The following RADIL variants were observed in gnomAD, a reference collection of about 807,000 sequenced individuals.
The protein encoded by RADIL is ras-associating and dilute domain-containing protein.
A neutral mutation model predicts 97.6 loss-of-function variants in RADIL; 99 were observed. The observed-to-expected ratio is 1.01, with a 90% CI of 0.86 to 1.20. The LOEUF is 1.20. Ranked by LOEUF, RADIL falls within the 50% of genes most tolerant of loss-of-function variation. The probability of loss-of-function intolerance (pLI) is 0.00; values close to 1 mark genes in which losing one functional copy is unlikely to be tolerated. For synonymous variants in RADIL, 803 were observed against 691.8 expected, an observed-to-expected ratio of 1.16 and a Z score of -2.52; for missense variants, 1,765 against 1,498.9, an observed-to-expected ratio of 1.18 and a Z score of -2.93.
intron 2 of RADIL, among the ~76,000 whole-genome samples, chr7:4,851,637 A>T (rs1204619948): frequency 6.6e-6 from 1 of 152,154 alleles, no homozygotes; most frequent in African/African-American, 2.4e-5. Flanking sequence ...CAAATGGTGA[A>T]CCTGAAGAGA....
In RADIL at chr7:4,877,690, T is replaced by G. The variant is rs778607037; in HGVS notation, c.450A>C (p.Arg150=). The part of the protein sequence containing the change: ...PLLIQELWKP[R]EGLSRRFELR... ...GCTCAAACCTCCGGGATAAACCTTC[T>G]CGGGGTTTCCATAATTCCTGGATCA... The change falls in exon 2 of 15, where the codon CGA becomes CGC. Residue 150 remains arginine, a synonymous_variant. Transcript: ENST00000399583. 1 of 1,614,138 alleles carries G rather than the reference T, an allele frequency of 6.2e-7. No individual in the cohort carries two copies. The highest frequency in any genetic ancestry group is 1.1e-5 in the South Asian group (1 of 91,086).
rs1032809222 is a variant in RADIL, at chr7:4,819,730, G to A, written c.1616-2379C>T. ...CCACAGACATTTCCTGCAGAGGGTC[G>A]GGAGGCTGACGGGGCTCTGCCCCTC... is the stretch of plus-strand genomic sequence containing the variant. On this transcript the variant is annotated intron_variant, in intron 6 of 14. Coordinates refer to ENST00000399583, the MANE Select transcript of RADIL (RefSeq NM_018059.5). This position sits in a 1 kb window ranked among gnomAD's most constrained non-coding sequence, Gnocchi z 5.8. Among the ~76,000 whole-genome samples, 12 of 152,188 alleles carry A rather than the reference G, an allele frequency of 7.9e-5. No individual in the cohort carries two copies. Among genetic ancestry groups the A allele is most frequent in the Non-Finnish European group, 1.3e-4 (9 of 68,030 alleles).
chr7:4,808,611 G>A (rs1005812858), intron 9 of RADIL: 9 of 985,372 alleles, frequency 9.1e-6, no homozygotes, highest in Non-Finnish European at 1.1e-5. Flanking sequence ...CCCTTTACAA[G>A]AAGCAGCCCC....
chr7:4,847,024 TAAAAA>T lies in RADIL; in HGVS notation c.536-10424_536-10420del, dbSNP rs1783590620. Among the ~76,000 whole-genome samples, 3 of 151,536 alleles carry T rather than the reference TAAAAA, an allele frequency of 2.0e-5. No homozygotes were observed. In the South Asian group the frequency reaches 6.3e-4, roughly 32 times the overall value. The stretch of plus-strand genomic sequence containing the variant: ...TTCACACCCACTACCATGGTTATAA[TAAAAA>T]AGGTAAACAGGCCAGGCATGGTGGC... On this transcript the variant is annotated intron_variant, in intron 2 of 14. Transcript: ENST00000399583.
chr7:4,799,578 C>T, intron 14 of RADIL, 52 bp downstream of exon 14: 1 of 1,608,350 alleles, frequency 6.2e-7, no homozygotes, highest in South Asian at 1.1e-5. Flanking sequence ...GGTCCACTCC[C>T]CTGAGCAGGG....
rs76341035 is a variant in RADIL, at chr7:4,840,135, T to C, written c.536-3530A>G. 9.1e-3 allele frequency among the ~76,000 whole-genome samples: 1,385 copies of C among 152,306 alleles called. 23 individuals are homozygous for C. The highest frequency in any genetic ancestry group is 0.032 in the African/African-American group (1,312 of 41,552). ...TTTGTGACTTGGCCCTGTCCCAAGATGAGGCTGCGGCAGATGGGACCCAGC... is the reference window on the plus strand; with the variant it reads ...TTTGTGACTTGGCCCTGTCCCAAGACGAGGCTGCGGCAGATGGGACCCAGC... On this transcript the variant is annotated intron_variant, in intron 2 of 14. Transcript: ENST00000399583. The surrounding 1 kb of genome is among the most constrained non-coding windows in gnomAD (Gnocchi z 5.6).
intron 2 of RADIL, chr7:4,859,065 G>C (rs1783906419): frequency 6.6e-6 from 1 of 152,066 alleles, no homozygotes; most frequent in Admixed American, 6.6e-5. Context: ...ACCTACTAAT[G>C]GTTGATGTCA....
intron 9 of RADIL, chr7:4,808,582 C>T (rs1782421867): frequency 1.0e-6 from 1 of 977,296 alleles, no homozygotes; most frequent in Non-Finnish European, 1.2e-6. Flanking sequence ...CCGCAAAGCC[C>T]GAAGTCCTCA....
In RADIL at chr7:4,799,063, C is replaced by T. The variant is rs1311297627; in HGVS notation, c.*315G>A. The T allele has an allele frequency of 1.6e-5, 6 of 365,240 alleles. No homozygotes were observed. The highest frequency in any genetic ancestry group is 1.0e-4 in the South Asian group (4 of 38,792). The allele number at this position is 365,240 out of a possible 1,614,324, so 22.6% of individuals were successfully genotyped here. ...AGCCCCTGCGGCCCCTCCGAGCAGC[C>T]CACGCCTGCTGCCCGAGTTGAGACC... On this transcript the variant is annotated 3_prime_UTR_variant, in exon 15 of 15. Coordinates refer to ENST00000399583, the MANE Select transcript of RADIL (RefSeq NM_018059.5).
intron 2 of RADIL, chr7:4,859,530 G>A (rs1783920480): frequency 9.7e-6 from 2 of 207,184 alleles, no homozygotes; most frequent in Non-Finnish European, 2.0e-5. Context: ...GACTGGCTCA[G>A]TAAAGGAAGT....
rs981215599 is a variant in RADIL at position 4,879,154 on chromosome 7, G to A, written c.-64-951C>T. On this transcript the variant is annotated intron_variant, in intron 1 of 14. Transcript: ENST00000399583. This position sits in a 1 kb window ranked among gnomAD's most constrained non-coding sequence, Gnocchi z 4.1. ...GGCATGGCCGGAATGCAGGCGTCCC[G>A]CCCACCACAGGCCGCGGGTGCCCGG... 7.9e-5 allele frequency among the ~76,000 whole-genome samples: 12 copies of A among 152,340 alleles called. No homozygotes were observed. Among genetic ancestry groups the A allele is most frequent in the Non-Finnish European group, 1.3e-4 (9 of 68,034 alleles).
rs1412812273 is a variant in RADIL at position 4,849,158 on chromosome 7, G to C, written c.536-12553C>G. Among the ~76,000 whole-genome samples the C allele has an allele frequency of 2.1e-5, 3 of 142,474 alleles. No individual in the cohort carries two copies. Among genetic ancestry groups the C allele is most frequent in the Non-Finnish European group, 4.6e-5 (3 of 65,022 alleles). 93.5% of individuals were successfully genotyped at this position (142,474 alleles called of 152,430 possible). A position where few individuals can be genotyped will look rare whatever the true frequency, so the allele number is the denominator to read the frequency against. Reference sequence around the variant, plus strand: ...TGTCTCAAAAAAAAAAAAAAAAAGGGAATTAAAAGCCAGAAAGAAAGAGTT... The same window carrying C: ...TGTCTCAAAAAAAAAAAAAAAAAGGCAATTAAAAGCCAGAAAGAAAGAGTT... On this transcript the variant is annotated intron_variant, in intron 2 of 14. Transcript: ENST00000399583. This position sits in a 1 kb window ranked among gnomAD's most constrained non-coding sequence, Gnocchi z 5.4.
intron 5 of RADIL, among the ~76,000 whole-genome samples, chr7:4,825,799 C>A (rs1287315574): frequency 6.8e-6 from 1 of 147,382 alleles, no homozygotes; most frequent in African/African-American, 2.5e-5. Context: ...TTTCTTGAAC[C>A]AGGACCCGGG....
Position 4,835,380 on chromosome 7 carries a change from A to C in RADIL, c.784-141T>G. The C allele has an allele frequency of 9.0e-7, 1 of 1,108,872 alleles. No homozygotes were observed. The highest frequency in any genetic ancestry group is 1.3e-6 in the Non-Finnish European group (1 of 783,778). The allele number at this position is 1,108,872 out of a possible 1,614,324, so 68.7% of individuals were successfully genotyped here. A position where few individuals can be genotyped will look rare whatever the true frequency, so the allele number is the denominator to read the frequency against. On this transcript the variant is annotated intron_variant, in intron 3 of 14. Coordinates refer to ENST00000399583, the MANE Select transcript of RADIL (RefSeq NM_018059.5). The surrounding 1 kb of genome is among the most constrained non-coding windows in gnomAD (Gnocchi z 5.8). ...TCTCCATGTCCCTGGCCACCCCCACACCAGAACCCCGACGGCTCTCAGGAA... is the reference window on the plus strand; with the variant it reads ...TCTCCATGTCCCTGGCCACCCCCACCCCAGAACCCCGACGGCTCTCAGGAA...
chr7:4,863,188 A>G (rs546001782), intron 2 of RADIL, among the ~76,000 whole-genome samples: 1 of 152,328 alleles, frequency 6.6e-6, no homozygotes, highest in Non-Finnish European at 1.5e-5. Context: ...TTTAAGCATC[A>G]TTGAAATATC....
rs1235640214 is a variant in RADIL, at chr7:4,877,823, T to A, written c.317A>T (p.Gln106Leu). 1 of 1,608,638 alleles carries A rather than the reference T, an allele frequency of 6.2e-7. No individual in the cohort carries two copies. Among genetic ancestry groups the A allele is most frequent in the Non-Finnish European group, 8.5e-7 (1 of 1,179,870 alleles). Residue 106 changes from glutamine (Q) to leucine (L), a missense_variant, in exon 2 of 15, where the codon CAG (glutamine) becomes CTG (leucine). Transcript: ENST00000399583. ...ALERYALDPR[Q>L]AGQYVLCDVV... ...GTCACACAGCACGTACTGGCCGGCCTGCCTGGGGTCCAGGGCGTACCGCTC... is the reference window on the plus strand; with the variant it reads ...GTCACACAGCACGTACTGGCCGGCCAGCCTGGGGTCCAGGGCGTACCGCTC...
At chr7:4,861,531 C>T in intron 2 of RADIL, 2 of 1,614,060 alleles carry the variant, frequency 1.2e-6, no homozygotes, top group South Asian at 1.1e-5. Flanking sequence ...TTTCCTCCAA[C>T]GTTTTCAATT....
At position 4,809,448 on chromosome 7, in the gene RADIL, C is replaced by T. The variant is rs947675301; in HGVS notation, c.2140-3732G>A. 32 of 985,322 alleles carry T rather than the reference C, an allele frequency of 3.2e-5. No homozygotes were observed. The African/African-American group carries it at 5.2e-4, about 16-fold the overall frequency. 61.0% of individuals were successfully genotyped at this position (985,322 alleles called of 1,614,324 possible). On this transcript the variant is annotated intron_variant, in intron 9 of 14. Transcript: ENST00000399583. ...CACACAGGAAACCACACATCTGACACGCACAAGCCAACGAATTTCCCCCGA... is the reference window on the plus strand; with the variant it reads ...CACACAGGAAACCACACATCTGACATGCACAAGCCAACGAATTTCCCCCGA...
chr7:4,801,067 C>G (rs1254587243), intron 12 of RADIL, among the ~76,000 whole-genome samples: 1 of 152,170 alleles, frequency 6.6e-6, no homozygotes. Context: ...TGCAAGCATG[C>G]CCATGCACAC....
Sources: allele counts gnomAD v4.1 joint callset (sites outside exome capture counted in the v4.1 genomes callset), GRCh38; gene constraint gnomAD v4.1.1; non-coding constraint Gnocchi (gnomAD v3.1); transcripts MANE v1.5; gene names NCBI Gene and HGNC (gene_info 2026-07-23, HGNC 2026-07-21).